The following NCAPD2 variants were observed in gnomAD, a reference collection of about 807,000 sequenced individuals.
The protein encoded by NCAPD2 is condensin complex subunit 1.
Under a neutral mutation model 164.5 loss-of-function variants are expected in NCAPD2, and 100 were observed. The observed-to-expected ratio is 0.61, with a 90% CI of 0.52 to 0.72. The LOEUF (loss-of-function observed/expected upper bound fraction) is 0.72. Ranked by LOEUF, NCAPD2 falls within the 30% of genes least tolerant of loss-of-function variation. The pLI is 0.00. For missense variants in NCAPD2, 1,560 were observed against 1,749.2 expected (o/e 0.89, Z 1.93); for synonymous variants, 585 against 642.6 (o/e 0.91, Z 1.36).
At chr12:6,500,578 A>T (rs1946025316) in intron 2 of NCAPD2, among the ~76,000 whole-genome samples, 1 of 152,208 alleles carries the variant, frequency 6.6e-6, no homozygotes, top group African/African-American at 2.4e-5. Context: ...TAATATCAGG[A>T]TCTCATGATC....
rs1176237960 is a variant in NCAPD2, at chr12:6,504,182, CATATAT to C, written c.128-5505_128-5500del. 2.1e-3 allele frequency among the ~76,000 whole-genome samples: 122 copies of C among 57,742 alleles called. 2 individuals carry two copies. The highest frequency in any genetic ancestry group is 3.9e-3 in the Admixed American group (18 of 4,580). 37.9% of individuals were successfully genotyped at this position (57,742 alleles called of 152,430 possible). A position where few individuals can be genotyped will look rare whatever the true frequency, so the allele number is the denominator to read the frequency against. ...CATTCAGTTTTGACATATATATATA[CATATAT>C]ATATATATATATATATATATATATA... On this transcript the variant is annotated intron_variant, in intron 2 of 31. Transcript: ENST00000315579.
chr12:6,523,042 T>G, intron 16 of NCAPD2, 40 bp downstream of exon 16: 1 of 1,608,264 alleles, frequency 6.2e-7, no homozygotes, highest in Non-Finnish European at 8.5e-7. Flanking sequence ...TTTTCCAAGG[T>G]CAGCTTCTCA....
At chr12:6,521,194 G>A (rs1946260427) in intron 14 of NCAPD2, 84 bp downstream of exon 14, 18 of 1,517,106 alleles carry the variant, frequency 1.2e-5, no homozygotes, top group Non-Finnish European at 1.6e-5. Flanking sequence ...TCATTGGCCT[G>A]GTTAACAGAA....
intron 2 of NCAPD2, among the ~76,000 whole-genome samples, chr12:6,503,251 G>A (rs574949921): frequency 1.2e-3 from 95 of 77,468 alleles, no homozygotes; most frequent in Non-Finnish European, 2.2e-3. Context: ...GAAATACGAT[G>A]TATAGAAAAT....
Position 6,510,127 on chromosome 12 carries a change from A to C in NCAPD2, c.256A>C (p.Ile86Leu). Residue 86 changes from isoleucine (I) to leucine (L), a missense_variant, in exon 4 of 32, where the codon ATA (isoleucine) becomes CTA (leucine). Ile to Leu is a conservative substitution (Grantham distance 5). Transcript: ENST00000315579. ...CAAAGAAGATACTCTGCAATTCCTG[A>C]TAAAAGGTGTTTATGGGTCAGGGGG... ...GLKEDTLQFL[I>L]KVVSRHSQEL... is the part of the protein sequence containing the mutation. The C allele has an allele frequency of 6.2e-7, 1 of 1,609,464 alleles. No individual in the cohort carries two copies. The highest frequency in any genetic ancestry group is 8.5e-7 in the Non-Finnish European group (1 of 1,175,758).
At chr12:6,498,625 T>C (rs1946005192) in intron 2 of NCAPD2, among the ~76,000 whole-genome samples, 1 of 152,120 alleles carries the variant, frequency 6.6e-6, no homozygotes, top group African/African-American at 2.4e-5. Context: ...CTTTTTTTTT[T>C]TGAGACGGAG....
Position 6,527,895 on chromosome 12 carries a change from A to G in NCAPD2, c.3019+7A>G, listed in dbSNP as rs1946331546. 2 of 1,613,712 alleles carry G rather than the reference A, an allele frequency of 1.2e-6. No individual in the cohort carries two copies. The highest frequency in any genetic ancestry group is 8.5e-7 in the Non-Finnish European group (1 of 1,179,578). ...GAGATGGAACTGTTGGATGGTAAGA[A>G]AAATGGCTGCACTCAGCAGTTTCTT... On this transcript the variant is annotated splice_region_variant and intron_variant, in intron 23 of 31. Transcript: ENST00000315579.
intron 12 of NCAPD2, 23 bp downstream of exon 12, chr12:6,517,706 T>C: frequency 1.2e-6 from 2 of 1,613,944 alleles, no homozygotes; most frequent in South Asian, 2.2e-5. Context: ...TGCCTTGGAG[T>C]CCTAATGCCA....
chr12:6,521,880 A>G lies in NCAPD2; in HGVS notation c.1797A>G (p.Lys599=), dbSNP rs1216118043. ...MVTGQTVCKN[K]PNMSDPEESR... ...CAGGACAGACTGTCTGTAAAAATAA[A>G]CCCAATATGTCGGATCCTGAGGAAT... is the stretch of plus-strand genomic sequence containing the variant. The change falls in exon 15 of 32, where the codon AAA becomes AAG. Residue 599 remains lysine (K), a synonymous_variant. Transcript: ENST00000315579. The G allele has an allele frequency of 6.2e-7, 1 of 1,614,070 alleles. No homozygotes were observed. The highest frequency in any genetic ancestry group is 8.5e-7 in the Non-Finnish European group (1 of 1,180,012).
chr12:6,531,048 C>A lies in NCAPD2; in HGVS notation c.4092C>A (p.Val1364=). ...QRASKKKPKV[V]FSSDESSEED... ...CTTCCAAAAAGAAACCCAAAGTTGTCTTCTCAAGTGATGAGTCCAGTGAGG... is the reference window on the plus strand; with the variant it reads ...CTTCCAAAAAGAAACCCAAAGTTGTATTCTCAAGTGATGAGTCCAGTGAGG... The change falls in exon 31 of 32, where the codon GTC becomes GTA. Residue 1364 remains valine, a synonymous_variant. Transcript: ENST00000315579. This position sits in a 1 kb window ranked among gnomAD's most constrained non-coding sequence, Gnocchi z 4.1. 1 of 1,613,948 alleles carries A rather than the reference C, an allele frequency of 6.2e-7. No individual in the cohort carries two copies. The highest frequency in any genetic ancestry group is 8.5e-7 in the Non-Finnish European group (1 of 1,180,042).
At chr12:6,501,253 TTTTTTTA>T in intron 2 of NCAPD2, among the ~76,000 whole-genome samples, 1 of 118,506 alleles carries the variant, frequency 8.4e-6, no homozygotes, top group Admixed American at 8.4e-5. Context: ...TTTTTTTTTT[TTTTTTTA>T]GGCAGAGTCT....
In NCAPD2 at chr12:6,495,145, A is replaced by T; in HGVS notation, c.47A>T (p.Glu16Val). 6.2e-7 allele frequency: 1 copy of T among 1,614,086 alleles called. No individual in the cohort carries two copies. The highest frequency in any genetic ancestry group is 8.5e-7 in the Non-Finnish European group (1 of 1,180,012). The change falls in exon 2 of 32, where the codon GAG becomes GTG. Residue 16 changes from glutamate to valine, a missense_variant. Glu to Val is a moderately radical substitution (Grantham distance 121). Transcript: ENST00000315579. ...YEFHLPLSPE[E>V]LLKSGGVNQY... ...TTCCATCTGCCATTATCCCCAGAGG[A>T]GTTGTTGAAAAGTGGAGGGGTGAAT... is the stretch of plus-strand genomic sequence containing the variant.
rs751327291 is a variant in NCAPD2, at chr12:6,523,006, T to G, written c.2129+4T>G. ...ACCCCAAAGGGGACTCTGCCAGGTA[T>G]ATGGGGTGCTTTTGCCTTTGCTGAC... On this transcript the variant is annotated splice_donor_region_variant and intron_variant, in intron 16 of 31. Coordinates refer to ENST00000315579, the MANE Select transcript of NCAPD2 (RefSeq NM_014865.4). The G allele has an allele frequency of 6.2e-7, 1 of 1,613,700 alleles. No individual in the cohort carries two copies. Among genetic ancestry groups the G allele is most frequent in the African/African-American group, 1.3e-5 (1 of 74,898 alleles).
chr12:6,510,497 G>A (rs760842718), intron 4 of NCAPD2, 132 bp from the exon 5 acceptor site: 50 of 1,063,610 alleles, frequency 4.7e-5, no homozygotes. Flanking sequence ...AAAGGACTTA[G>A]CTTGTGTTAT....
intron 6 of NCAPD2, among the ~76,000 whole-genome samples, chr12:6,512,300 TAGA>T (rs1946158405): frequency 2.1e-5 from 3 of 142,842 alleles, no homozygotes; most frequent in Admixed American, 7.0e-5. Flanking sequence ...AAAAGATAGA[TAGA>T]TAGATAGACA....
At chr12:6,527,409 C>T (rs1946327312) in intron 22 of NCAPD2, among the ~76,000 whole-genome samples, 1 of 152,244 alleles carries the variant, frequency 6.6e-6, no homozygotes, top group Non-Finnish European at 1.5e-5. Context: ...CCTGTGTTCC[C>T]TCCACTAGAG....
At position 6,527,010 on chromosome 12, in the gene NCAPD2, C is replaced by T. The variant is rs746074962; in HGVS notation, c.2854C>T (p.Arg952Cys). 33 of 1,613,928 alleles carry T rather than the reference C, an allele frequency of 2.0e-5. No homozygotes were observed. The Middle Eastern group carries it at 9.9e-4, about 48-fold the overall frequency. The change falls in exon 22 of 32, where the codon CGC becomes TGC. Residue 952 changes from arginine to cysteine, a missense_variant. Coordinates refer to ENST00000315579, the MANE Select transcript of NCAPD2 (RefSeq NM_014865.4). The stretch of plus-strand genomic sequence containing the variant: ...GGCAGTGAGTGGAGAGCTCTGCCGG[C>T]GCCGAGTTCTCCGGGAAGAACAGGA... The part of the protein sequence containing the change: ...EQAVSGELCR[R>C]RVLREEQEHK...
chr12:6,530,838 G>A (rs1302718943), intron 30 of NCAPD2, 21 bp downstream of exon 30: 12 of 1,613,992 alleles, frequency 7.4e-6, no homozygotes, highest in African/African-American at 5.3e-5. Flanking sequence ...CAGCCTGTGC[G>A]GGCGAGACCA....
Position 6,517,837 on chromosome 12 carries a change from C to A in NCAPD2, c.1467C>A (p.Thr489=), listed in dbSNP as rs766543315. 1 of 1,613,998 alleles carries A rather than the reference C, an allele frequency of 6.2e-7. No homozygotes were observed. Among genetic ancestry groups the A allele is most frequent in the Non-Finnish European group, 8.5e-7 (1 of 1,180,030 alleles). ...WEAMLPELKS[T]LQQLLQLPQG... The stretch of plus-strand genomic sequence containing the variant: ...CCATGCTGCCAGAGTTGAAGTCTAC[C>A]CTGCAGCAGCTTCTACAGCTTCCCC... Residue 489 remains threonine (T), a synonymous_variant, in exon 13 of 32, where the codon ACC becomes ACA. Coordinates refer to ENST00000315579, the MANE Select transcript of NCAPD2 (RefSeq NM_014865.4).
Sources: allele counts gnomAD v4.1 joint callset (sites outside exome capture counted in the v4.1 genomes callset), GRCh38; gene constraint gnomAD v4.1.1; non-coding constraint Gnocchi (gnomAD v3.1); transcripts MANE v1.5; gene names NCBI Gene and HGNC (gene_info 2026-07-23, HGNC 2026-07-21).